Variants in MUC5AC observed in about 807,000 individuals in gnomAD.
MUC5AC encodes the protein mucin 5AC, oligomeric mucus/gel-forming.
In MUC5AC, 158 loss-of-function variants were observed where a neutral mutation model predicts 169.7. That is an observed-to-expected ratio of 0.93 (90% CI 0.82 to 1.06). The LOEUF (loss-of-function observed/expected upper bound fraction) is 1.06. Ranked by LOEUF, MUC5AC falls within the 50% of genes least tolerant of loss-of-function variation. The pLI is 0.00. For synonymous variants in MUC5AC, 1,975 were observed against 1,237.0 expected (o/e 1.60, Z -12.52); for missense variants, 4,359 against 3,089.9 (o/e 1.41, Z -9.74).
chr11:1,179,522 G>A (rs1330361809), intron 26 of MUC5AC, among the ~76,000 whole-genome samples: 2 of 148,840 alleles, frequency 1.3e-5, no homozygotes, highest in East Asian at 4.0e-4. Flanking sequence ...TCTGGGCAGA[G>A]GGGTCAGCAG....
rs768161761 is a variant in MUC5AC at position 1,163,032 on chromosome 11, G to A, written c.666G>A (p.Glu222=). The A allele has an allele frequency of 1.4e-5, 22 of 1,612,462 alleles. No individual in the cohort carries two copies. Among genetic ancestry groups the A allele is most frequent in the Non-Finnish European group, 1.9e-5 (22 of 1,179,782 alleles). Residue 222 remains glutamate (E), a synonymous_variant, in exon 6 of 49, where the codon GAG becomes GAA. Coordinates refer to ENST00000621226, the MANE Select transcript of MUC5AC (RefSeq NM_001304359.2). ...TCAACGGGATGCCCGTGGTCAGCGA[G>A]CTCCTCTCCCACAGTAAGGCCCCAC... ...GDFNGMPVVS[E]LLSHNTKLTP...
chr11:1,164,962 G>GC (rs782383836), intron 9 of MUC5AC, among the ~76,000 whole-genome samples: 16 of 81,322 alleles, frequency 2.0e-4, no homozygotes, highest in Admixed American at 4.6e-4. Context: ...CCTGTCCCGG[G>GC]CCCCTGAGGC....
At chr11:1,174,352 T>G (rs1466108730) in intron 16 of MUC5AC, 144 bp from the exon 17 acceptor site, 1 of 565,624 alleles carries the variant, frequency 1.8e-6, no homozygotes, top group East Asian at 3.1e-5. Flanking sequence ...GCAGGATGCC[T>G]GTGAGGACTC....
rs538300721 is a variant in MUC5AC at position 1,168,778 on chromosome 11, C to T, written c.1704C>T (p.Cys568=). 186 of 1,597,096 alleles carry T rather than the reference C, an allele frequency of 1.2e-4. 1 individual carries two copies. In the South Asian group the frequency reaches 1.7e-3, roughly 15 times the overall value. Residue 568 remains cysteine (C), a splice_region_variant and synonymous_variant, in exon 14 of 49, where the codon TGC becomes TGT. Coordinates refer to ENST00000621226, the MANE Select transcript of MUC5AC (RefSeq NM_001304359.2). ...CGCCCAAGCTCCGTGGGCAGACCTGCGGTAAGAGGGCTGCCTTCTGGGCTT... is the reference window on the plus strand; with the variant it reads ...CGCCCAAGCTCCGTGGGCAGACCTGTGGTAAGAGGGCTGCCTTCTGGGCTT... The part of the protein sequence containing the change: ...QLAPKLRGQT[C]GLCGNFNSIQ...
intron 1 of MUC5AC, among the ~76,000 whole-genome samples, chr11:1,159,101 G>T (rs56185131): frequency 6.6e-6 from 1 of 151,902 alleles, no homozygotes; most frequent in Non-Finnish European, 1.5e-5. Flanking sequence ...GGCTCAGGCC[G>T]TCATCTCCGT....
chr11:1,161,892 C>A lies in MUC5AC; in HGVS notation c.212-15C>A. 1 of 1,607,570 alleles carries A rather than the reference C, an allele frequency of 6.2e-7. No homozygotes were observed. Among genetic ancestry groups the A allele is most frequent in the Non-Finnish European group, 8.5e-7 (1 of 1,177,786 alleles). Reference sequence around the variant, plus strand: ...GAGGGCGACGCCCCCAAACACCATGCTGCTTCCACCGCAGCCTCCAACCCG... The same window carrying A: ...GAGGGCGACGCCCCCAAACACCATGATGCTTCCACCGCAGCCTCCAACCCG... On this transcript the variant is annotated splice_polypyrimidine_tract_variant and intron_variant, in intron 3 of 48. Transcript: ENST00000621226.
chr11:1,167,323 C>T (rs537198840), intron 11 of MUC5AC, among the ~76,000 whole-genome samples: 5 of 150,318 alleles, frequency 3.3e-5, no homozygotes, highest in Non-Finnish European at 7.4e-5. Context: ...CACATAGTCT[C>T]CCCCGATGAG....
chr11:1,169,398 TCAAC>T (rs1860432818), intron 15 of MUC5AC, among the ~76,000 whole-genome samples: 1 of 131,706 alleles, frequency 7.6e-6, no homozygotes, highest in Admixed American at 7.4e-5. Context: ...ACTCGCCGAC[TCAAC>T]CATTCACTCA....
Position 1,190,900 on chromosome 11 carries a change from G to A in MUC5AC, c.12755G>A (p.Gly4252Asp), listed in dbSNP as rs1861074818. The A allele has an allele frequency of 1.4e-6, 1 of 729,422 alleles. No homozygotes were observed. The highest frequency in any genetic ancestry group is 2.5e-6 in the Non-Finnish European group (1 of 403,326). The allele number at this position is 729,422 out of a possible 1,614,324, so 45.2% of individuals were successfully genotyped here. A position where few individuals can be genotyped will look rare whatever the true frequency, so the allele number is the denominator to read the frequency against. Residue 4252 changes from glycine to aspartate, a missense_variant, in exon 31 of 49, where the codon GGT (glycine) becomes GAT (aspartate). Physicochemically the swap from Gly to Asp is moderately conservative, Grantham distance 94 (BLOSUM62 -1). Transcript: ENST00000621226. ...TSAPTTSTTS[G>D]PGTTPSPVPS... is the part of the protein sequence containing the mutation. ...GCTCCTACAACCAGCACAACCTCTG[G>A]TCCTGGAACTACTCCAAGCCCTGTT...
Position 1,189,759 on chromosome 11 carries a change from A to G in MUC5AC, c.11614A>G (p.Ile3872Val). The part of the protein sequence containing the change: ...STTSAPTAST[I>V]SAPTTSTTSF... ...AACCTCTGCTCCTACAGCCAGCACA[A>G]TCTCTGCCCCTACAACCAGCACAAC... The change falls in exon 31 of 49, where the codon ATC (isoleucine) becomes GTC (valine). Residue 3872 changes from isoleucine (I) to valine (V), a missense_variant. By Grantham distance (29) the Ile-to-Val change is conservative. Transcript: ENST00000621226. The G allele has an allele frequency of 1.5e-6, 1 of 672,780 alleles. No individual in the cohort carries two copies. 41.7% of individuals were successfully genotyped at this position (672,780 alleles called of 1,614,324 possible). A position where few individuals can be genotyped will look rare whatever the true frequency, so the allele number is the denominator to read the frequency against.
rs1860698379 is a variant in MUC5AC, at chr11:1,176,796, C to T, written c.2654+131C>T. On this transcript the variant is annotated intron_variant, in intron 21 of 48. Coordinates refer to ENST00000621226, the MANE Select transcript of MUC5AC (RefSeq NM_001304359.2). ...GGCACAGACTCAGGGCTGGACGCCA[C>T]CAGCAGCCCCAGCCAGGGAGGCCCA... 4 of 398,506 alleles carry T rather than the reference C, an allele frequency of 1.0e-5. No individual in the cohort carries two copies. The South Asian group carries it at 5.2e-4, about 52-fold the overall frequency. 24.7% of individuals were successfully genotyped at this position (398,506 alleles called of 1,614,324 possible). A position where few individuals can be genotyped will look rare whatever the true frequency, so the allele number is the denominator to read the frequency against.
At chr11:1,175,476 C>T (rs1270835488) in intron 19 of MUC5AC, among the ~76,000 whole-genome samples, 1 of 106,144 alleles carries the variant, frequency 9.4e-6, no homozygotes, top group Non-Finnish European at 2.3e-5. Context: ...CACTCACACC[C>T]ACTCATGCAC....
Position 1,186,702 on chromosome 11 carries a change from A to G in MUC5AC, c.8557A>G (p.Thr2853Ala). 1.4e-6 allele frequency: 1 copy of G among 734,374 alleles called. No individual in the cohort carries two copies. Among genetic ancestry groups the G allele is most frequent in the Non-Finnish European group, 2.5e-6 (1 of 402,648 alleles). 45.5% of individuals were successfully genotyped at this position (734,374 alleles called of 1,614,324 possible). The change falls in exon 31 of 49, where the codon ACC (threonine) becomes GCC (alanine). Residue 2853 changes from threonine (T) to alanine (A), a missense_variant. Coordinates refer to ENST00000621226, the MANE Select transcript of MUC5AC (RefSeq NM_001304359.2). The part of the protein sequence containing the change: ...STTSAPTTST[T>A]SAPTTRTTSV... ...AACCTCTGCCCCTACAACCAGCACA[A>G]CCTCTGCCCCTACAACCAGAACAAC...
Position 1,190,471 on chromosome 11 carries a change from C to T in MUC5AC, c.12326C>T (p.Pro4109Leu). Reference protein sequence around the residue: ...STPQTSTTSAPTTSTIPASTP... With the variant: ...STPQTSTTSALTTSTIPASTP... ...CCACAGACCAGCACAACCTCTGCCC[C>T]TACAACCAGCACAATCCCTGCTTCT... Residue 4109 changes from proline to leucine, a missense_variant, in exon 31 of 49, where the codon CCT (proline) becomes CTT (leucine). Pro to Leu is a moderately conservative substitution (Grantham distance 98). Coordinates refer to ENST00000621226, the MANE Select transcript of MUC5AC (RefSeq NM_001304359.2). 1.4e-6 allele frequency: 1 copy of T among 698,570 alleles called. No individual in the cohort carries two copies. Among genetic ancestry groups the T allele is most frequent in the Admixed American group, 2.0e-5 (1 of 49,854 alleles). The allele number at this position is 698,570 out of a possible 1,614,324, so 43.3% of individuals were successfully genotyped here.
chr11:1,162,099 G>A lies in MUC5AC; in HGVS notation c.404G>A (p.Arg135Lys). The A allele has an allele frequency of 6.2e-7, 1 of 1,612,696 alleles. No individual in the cohort carries two copies. The highest frequency in any genetic ancestry group is 8.5e-7 in the Non-Finnish European group (1 of 1,179,836). The change falls in exon 4 of 49, where the codon AGG becomes AAG. Residue 135 changes from arginine to lysine, a missense_variant. Coordinates refer to ENST00000621226, the MANE Select transcript of MUC5AC (RefSeq NM_001304359.2). ...SQESAAPTLS[R>K]VLMKVDGVVI... is the part of the protein sequence containing the mutation. ...GAGTCAGCGGCCCCCACGCTGAGCA[G>A]GGTCCTCATGAAGGTGGATGGCGTG...
In MUC5AC at chr11:1,174,960, T is replaced by G; in HGVS notation, c.2171T>G (p.Leu724Arg). The G allele has an allele frequency of 2.4e-6, 1 of 410,380 alleles. No individual in the cohort carries two copies. The highest frequency in any genetic ancestry group is 3.5e-5 in the East Asian group (1 of 28,180). 25.4% of individuals were successfully genotyped at this position (410,380 alleles called of 1,614,324 possible). The change falls in exon 18 of 49, where the codon CTG (leucine) becomes CGG (arginine). Residue 724 changes from leucine (L) to arginine (R), a missense_variant. Coordinates refer to ENST00000621226, the MANE Select transcript of MUC5AC (RefSeq NM_001304359.2). ...ACCTGCCAGCCCACCTGCCGCTCCC[T>G]GAGCGAGGGGGACATCACCTGCAGT... ...VSTCQPTCRS[L>R]SEGDITCSVG...
Position 1,187,724 on chromosome 11 carries a change from C to A in MUC5AC, c.9579C>A (p.Thr3193=), listed in dbSNP as rs1860989637. ...GAACCACTCCCAGCCCCGTTCCCAC[C>A]ACCAGCACAGCCTCTGTTTCAAAGA... ...GPGTTPSPVP[T]TSTASVSKTS... Residue 3193 remains threonine (T), a synonymous_variant, in exon 31 of 49, where the codon ACC becomes ACA. Transcript: ENST00000621226. 1.4e-5 allele frequency: 11 copies of A among 764,974 alleles called. No homozygotes were observed. The highest frequency in any genetic ancestry group is 2.4e-5 in the Non-Finnish European group (10 of 417,842). The allele number at this position is 764,974 out of a possible 1,614,324, so 47.4% of individuals were successfully genotyped here.
At position 1,186,318 on chromosome 11, in the gene MUC5AC, A is replaced by T. The variant is rs1484831157; in HGVS notation, c.8173A>T (p.Ile2725Phe). 8.3e-6 allele frequency: 6 copies of T among 721,518 alleles called. No homozygotes were observed. The highest frequency in any genetic ancestry group is 1.7e-5 in the African/African-American group (1 of 57,510). The allele number at this position is 721,518 out of a possible 1,614,324, so 44.7% of individuals were successfully genotyped here. ...AACCTCTGCCCCTACAACCAGCACA[A>T]TCTCGGCCCCAACAACCAGCACAAC... ...STTSAPTTSTISAPTTSTTSA... is the reference protein window; with the variant it reads ...STTSAPTTSTFSAPTTSTTSA... Residue 2725 changes from isoleucine to phenylalanine, a missense_variant, in exon 31 of 49, where the codon ATC becomes TTC. Transcript: ENST00000621226.
chr11:1,195,853 C>A (rs1861257710), intron 36 of MUC5AC, 23 bp from the exon 37 acceptor site: 2 of 761,174 alleles, frequency 2.6e-6, no homozygotes, highest in Non-Finnish European at 4.8e-6. Context: ...CTGCACCCAG[C>A]ACCCTGCCCA....
Sources: gnomAD v4.1 joint callset for allele counts (sites outside exome capture counted in the v4.1 genomes callset) on GRCh38, gnomAD v4.1.1 for gene constraint, MANE v1.5 for transcripts, NCBI Gene and HGNC (gene_info 2026-07-23, HGNC 2026-07-21) for gene names.